SOX6: variants seen among roughly 807,000 people sequenced by gnomAD.
SOX6 encodes the protein SRY-box transcription factor 6, also known as transcription factor SOX-6.
In SOX6, 11 loss-of-function variants were observed where a neutral mutation model predicts 97.8. The ratio of observed to expected loss-of-function variants is 0.11; its 90% confidence interval spans 0.07 to 0.19. The LOEUF is 0.19. Ranked by LOEUF, SOX6 falls within the 10% of genes least tolerant of loss-of-function variation. SOX6 has a pLI of 1.00. For missense variants in SOX6, 810 were observed against 1,039.5 expected (o/e 0.78, Z 3.04); for synonymous variants, 360 against 371.4 (o/e 0.97, Z 0.35).
chr11:16,341,597 G>T (rs926630442), intron 1 of SOX6, among the ~76,000 whole-genome samples: 1 of 151,892 alleles, frequency 6.6e-6, no homozygotes, highest in African/African-American at 2.4e-5. Context: ...AAGTATTTAG[G>T]GTGATAGTTA....
At chr11:16,119,583 A>G (rs1849438509) in intron 6 of SOX6, among the ~76,000 whole-genome samples, 1 of 152,206 alleles carries the variant, frequency 6.6e-6, no homozygotes, top group African/African-American at 2.4e-5. Context: ...ATTTCTATAT[A>G]TCCTGTTGCT....
chr11:16,321,736 CA>C (rs1321432193), intron 2 of SOX6, among the ~76,000 whole-genome samples: 3 of 151,998 alleles, frequency 2.0e-5, no homozygotes, highest in African/African-American at 7.2e-5. Context: ...ACAAAAGCCA[CA>C]AGAATTACTT....
intron 3 of SOX6, among the ~76,000 whole-genome samples, chr11:16,664,420 G>A (rs141246422): frequency 6.6e-6 from 1 of 152,150 alleles, no homozygotes; most frequent in Non-Finnish European, 1.5e-5. Context: ...ACTTAGCATT[G>A]GAACTCAGTG....
At chr11:16,287,317 C>CAG (rs1329215668) in intron 3 of SOX6, among the ~76,000 whole-genome samples, 4 of 151,156 alleles carry the variant, frequency 2.6e-5, no homozygotes, top group Non-Finnish European at 4.4e-5. Context: ...CACACACACA[C>CAG]ACACACACAC....
chr11:16,459,448 G>GAAATACCATACC (rs1162313284), intron 1 of SOX6, among the ~76,000 whole-genome samples: 11 of 151,912 alleles, frequency 7.2e-5, no homozygotes, highest in Non-Finnish European at 1.3e-4. Flanking sequence ...GCCATACCAA[G>GAAATACCATACC]AAGCCACACA....
At chr11:16,064,924 A>C (rs894307757) in intron 9 of SOX6, among the ~76,000 whole-genome samples, 1 of 152,036 alleles carries the variant, frequency 6.6e-6, no homozygotes, top group African/African-American at 2.4e-5. Flanking sequence ...TCAATGGAGA[A>C]AAACAGAAAG....
At chr11:16,018,311 C>T (rs542221209) in intron 12 of SOX6, among the ~76,000 whole-genome samples, 11 of 152,014 alleles carry the variant, frequency 7.2e-5, no homozygotes, top group Admixed American at 2.0e-4. Flanking sequence ...TTCAACTCTT[C>T]GGGCATTATT....
At chr11:16,392,380 T>A (rs1420305567) in intron 1 of SOX6, among the ~76,000 whole-genome samples, 1 of 152,146 alleles carries the variant, frequency 6.6e-6, no homozygotes. Flanking sequence ...AATGTATTTG[T>A]GTCTTACTTG....
chr11:16,588,737 T>C lies in SOX6; in HGVS notation n.609+23344A>G, dbSNP rs117756786. Among the ~76,000 whole-genome samples, 712 of 152,336 alleles carry C rather than the reference T, an allele frequency of 4.7e-3. 8 individuals carry two copies. The highest frequency in any genetic ancestry group is 3.1e-3 in the Non-Finnish European group (211 of 68,028). The stretch of plus-strand genomic sequence containing the variant: ...TCTGCTTCCTTTCTCATATTAAAAA[T>C]GTCACACTAGGCCAGGCACCATGGC... On this transcript the variant is annotated intron_variant and non_coding_transcript_variant, in intron 4 of 5. Coordinates refer to the SOX6 transcript ENST00000524520.
intron 1 of SOX6, among the ~76,000 whole-genome samples, chr11:16,344,469 C>G (rs570762764): frequency 6.6e-6 from 1 of 152,012 alleles, no homozygotes; most frequent in South Asian, 2.1e-4. Context: ...AAACTGTATT[C>G]TAGAAGCTTC....
chr11:16,603,992 C>T (rs1034461899), intron 4 of SOX6, among the ~76,000 whole-genome samples: 1 of 152,234 alleles, frequency 6.6e-6, no homozygotes, highest in Non-Finnish European at 1.5e-5. Context: ...GGACGAGGTG[C>T]TGAGTGCGCA....
chr11:16,026,710 G>A (rs1475973154), intron 12 of SOX6, among the ~76,000 whole-genome samples: 1 of 152,072 alleles, frequency 6.6e-6, no homozygotes, highest in East Asian at 1.9e-4. Flanking sequence ...GTCAAATGAT[G>A]TCACAAATGA....
chr11:16,341,041 C>G lies in SOX6; in HGVS notation c.208G>C (p.Asp70His). ...CTTTGCTGAGATGACAGAACGCTGT[C>G]CCAGTCAGCATCTTGTTGAATGGTA... The part of the protein sequence containing the change: ...VSTIQQDADW[D>H]SVLSSQQRME... Residue 70 changes from aspartate (D) to histidine (H), a missense_variant, in exon 2 of 16, where the codon GAC (aspartate) becomes CAC (histidine). Transcript: ENST00000683767. 6.2e-7 allele frequency: 1 copy of G among 1,613,382 alleles called. No individual in the cohort carries two copies. Among genetic ancestry groups the G allele is most frequent in the Non-Finnish European group, 8.5e-7 (1 of 1,179,510 alleles).
At chr11:16,105,522 C>A (rs1849057372) in intron 7 of SOX6, among the ~76,000 whole-genome samples, 1 of 151,986 alleles carries the variant, frequency 6.6e-6, no homozygotes, top group Non-Finnish European at 1.5e-5. Flanking sequence ...GAACTATGAT[C>A]ATACCTCTTA....
At chr11:16,694,981 G>A (rs955044938) in intron 3 of SOX6, among the ~76,000 whole-genome samples, 2 of 152,116 alleles carry the variant, frequency 1.3e-5, no homozygotes, top group Admixed American at 6.5e-5. Context: ...TAAATACATG[G>A]GAGGATGTGC....
chr11:16,423,760 G>C (rs1266539718), intron 1 of SOX6, among the ~76,000 whole-genome samples: 1 of 152,168 alleles, frequency 6.6e-6, no homozygotes, highest in Non-Finnish European at 1.5e-5. Context: ...TGGAAAAGTA[G>C]ACATGAGATC....
intron 2 of SOX6, among the ~76,000 whole-genome samples, chr11:16,332,517 G>A (rs1038560839): frequency 1.3e-5 from 2 of 152,034 alleles, no homozygotes; most frequent in Admixed American, 6.6e-5. Flanking sequence ...AAATTATAAT[G>A]AAAGCAAAAG....
rs59652288 is a variant in SOX6, at chr11:16,132,444, AAAAGAAAGAAAG to A, written c.778-20533_778-20522del. ...AAGAAAGAAAGAAAGAAAGAAAGAA[AAAAGAAAGAAAG>A]AAAGAAAGAAAGAAAGAAAGAAAGA... On this transcript the variant is annotated intron_variant, in intron 6 of 15. Coordinates refer to ENST00000683767, the MANE Select transcript of SOX6 (RefSeq NM_001367873.1). 2.3e-3 allele frequency among the ~76,000 whole-genome samples: 62 copies of A among 27,238 alleles called. 3 individuals carry two copies. Among genetic ancestry groups the A allele is most frequent in the Middle Eastern group, 0.028 (1 of 36 alleles). The allele number at this position is 27,238 out of a possible 152,430, so 17.9% of individuals were successfully genotyped here.
chr11:16,389,479 T>G (rs530411826), intron 1 of SOX6, among the ~76,000 whole-genome samples: 3 of 152,178 alleles, frequency 2.0e-5, no homozygotes, highest in Non-Finnish European at 4.4e-5. Context: ...ATTTTCTTAT[T>G]TCAGATATCG....
Sources: allele counts gnomAD v4.1 joint callset (sites outside exome capture counted in the v4.1 genomes callset), GRCh38; gene constraint gnomAD v4.1.1; transcripts MANE v1.5; gene names NCBI Gene and HGNC (gene_info 2026-07-23, HGNC 2026-07-21).